FBXO15: variants seen among roughly 807,000 people sequenced by gnomAD.
The protein encoded by FBXO15 is F-box protein 15.
FBXO15 carries 30 observed loss-of-function variants against 49.5 expected under a neutral mutation model. The ratio of observed to expected loss-of-function variants is 0.61; its 90% CI spans 0.45 to 0.82. The LOEUF (loss-of-function observed/expected upper bound fraction) is 0.82, where lower values mean the gene tolerates loss of function less well. Among genes scored for constraint, FBXO15 ranks in the 40% least tolerant of loss-of-function variants. The pLI is 0.00. For synonymous variants in FBXO15, 250 were observed against 232.7 expected (o/e 1.07, Z -0.68); for missense variants, 591 against 631.5 (o/e 0.94, Z 0.69).
intron 8 of FBXO15, among the ~76,000 whole-genome samples, chr18:74,116,299 C>A (rs762873702): frequency 2.0e-4 from 31 of 152,102 alleles, no homozygotes; most frequent in Non-Finnish European, 3.2e-4. Context: ...ATTATACTTT[C>A]TCATTAAAAA....
At position 74,073,626 on chromosome 18, in the gene FBXO15, G is replaced by T. The variant is rs753571833; in HGVS notation, c.1368C>A (p.Ser456Arg). 6.2e-7 allele frequency: 1 copy of T among 1,614,204 alleles called. No homozygotes were observed. Among genetic ancestry groups the T allele is most frequent in the South Asian group, 1.1e-5 (1 of 91,078 alleles). ...TGTATGTCTGTCCCAAGAAGCTAGA[G>T]CTGTCAGAGGGTGTGGCAGGCGATC... ...CLRSPATPSD[S>R]SSFLGQTYNV... The change falls in exon 10 of 10, where the codon AGC (serine) becomes AGA (arginine). Residue 456 changes from serine (S) to arginine (R), a missense_variant. Coordinates refer to ENST00000419743, the MANE Select transcript of FBXO15 (RefSeq NM_001142958.2).
At chr18:74,123,201 A>G in intron 8 of FBXO15, 167 bp downstream of exon 8, 1 of 672,068 alleles carries the variant, frequency 1.5e-6, no homozygotes, top group Non-Finnish European at 2.5e-6. Flanking sequence ...GACTCGGTCC[A>G]GTGAGGACTT....
Position 74,081,912 on chromosome 18 carries a change from C to A in FBXO15, c.1263+15G>T, listed in dbSNP as rs540904286. 1 of 1,544,654 alleles carries A rather than the reference C, an allele frequency of 6.5e-7. No individual in the cohort carries two copies. The highest frequency in any genetic ancestry group is 8.6e-7 in the Non-Finnish European group (1 of 1,157,182). Reference sequence around the variant, plus strand: ...ATCAAGTTACTTGAAGAAAAGAAAACGGTTCTGTTTTTACCTTTATACAGC... The same window carrying A: ...ATCAAGTTACTTGAAGAAAAGAAAAAGGTTCTGTTTTTACCTTTATACAGC... On this transcript the variant is annotated intron_variant, in intron 9 of 9. Coordinates refer to ENST00000419743, the MANE Select transcript of FBXO15 (RefSeq NM_001142958.2).
intron 5 of FBXO15, among the ~76,000 whole-genome samples, chr18:74,129,068 AT>A (rs1364178040): frequency 1.3e-5 from 2 of 152,192 alleles, no homozygotes; most frequent in Admixed American, 1.3e-4. Flanking sequence ...TTAGTATACC[AT>A]TTACTAAAGA....
intron 1 of FBXO15, among the ~76,000 whole-genome samples, chr18:74,144,936 C>T (rs183372221): frequency 5.8e-4 from 89 of 152,284 alleles, no homozygotes; most frequent in Non-Finnish European, 9.1e-4. Context: ...ATAAAGTCAC[C>T]TGTTTTGTAA....
At chr18:74,084,952 C>T (rs975887176) in intron 8 of FBXO15, among the ~76,000 whole-genome samples, 1 of 151,918 alleles carries the variant, frequency 6.6e-6, no homozygotes, top group Non-Finnish European at 1.5e-5. Context: ...TATACTTTAT[C>T]TCAATAATAA....
chr18:74,073,542 C>T lies in FBXO15; in HGVS notation c.1452G>A (p.Glu484=), dbSNP rs751547596. 3 of 1,614,210 alleles carry T rather than the reference C, an allele frequency of 1.9e-6. No homozygotes were observed. The highest frequency in any genetic ancestry group is 1.7e-5 in the Admixed American group (1 of 60,028). ...GGTTGACAATAAGGTATTCTTCGGT[C>T]TCTCTGATCCACACCAGCTCCACGT... is the stretch of plus-strand genomic sequence containing the variant. ...RVHVELVWIR[E]TEEYLIVNLV... is the part of the protein sequence containing the mutation. Residue 484 remains glutamate (E), a synonymous_variant, in exon 10 of 10, where the codon GAG becomes GAA. Coordinates refer to ENST00000419743, the MANE Select transcript of FBXO15 (RefSeq NM_001142958.2).
chr18:74,121,629 C>A (rs1342917596), intron 8 of FBXO15, among the ~76,000 whole-genome samples: 1 of 152,146 alleles, frequency 6.6e-6, no homozygotes, highest in Non-Finnish European at 1.5e-5. Context: ...GACTCAAAGA[C>A]AAAGAGGATA....
intron 1 of FBXO15, among the ~76,000 whole-genome samples, chr18:74,146,723 T>C (rs1979438103): frequency 6.6e-6 from 1 of 152,008 alleles, no homozygotes; most frequent in Non-Finnish European, 1.5e-5. Flanking sequence ...TGAAAACAGG[T>C]AAGTGGAAGT....
At chr18:74,103,112 T>G (rs1285698130) in intron 8 of FBXO15, among the ~76,000 whole-genome samples, 1 of 151,874 alleles carries the variant, frequency 6.6e-6, no homozygotes, top group African/African-American at 2.4e-5. Flanking sequence ...GAAATAAAAT[T>G]TTTTTAAAAA....
intron 1 of FBXO15, among the ~76,000 whole-genome samples, chr18:74,141,963 G>T (rs1423190531): frequency 2.0e-5 from 3 of 152,090 alleles, no homozygotes; most frequent in Non-Finnish European, 4.4e-5. Context: ...GCTGGTACAG[G>T]GTAGGCCCTC....
chr18:74,080,904 T>G (rs1912464951), intron 9 of FBXO15, among the ~76,000 whole-genome samples: 1 of 152,360 alleles, frequency 6.6e-6, no homozygotes, highest in South Asian at 2.1e-4. Context: ...CACATTCACA[T>G]TCTGCCTTTC....
intron 1 of FBXO15, among the ~76,000 whole-genome samples, chr18:74,144,270 G>C (rs1364084819): frequency 2.0e-5 from 3 of 152,132 alleles, no homozygotes; most frequent in Non-Finnish European, 4.4e-5. Context: ...AGGTTTAACA[G>C]TTAACAGATC....
At chr18:74,093,452 C>T (rs1446173984) in intron 8 of FBXO15, among the ~76,000 whole-genome samples, 1 of 152,170 alleles carries the variant, frequency 6.6e-6, no homozygotes. Flanking sequence ...GCTTCCAAGG[C>T]AGCACTGCAA....
chr18:74,091,420 A>G (rs1215397566), intron 8 of FBXO15, among the ~76,000 whole-genome samples: 1 of 151,544 alleles, frequency 6.6e-6, no homozygotes, highest in Non-Finnish European at 1.5e-5. Flanking sequence ...CTGTGTCTAG[A>G]TTTGTTGCTG....
Position 74,094,543 on chromosome 18 carries a change from A to C in FBXO15, c.1139-12492T>G, listed in dbSNP as rs1269117425. On this transcript the variant is annotated intron_variant, in intron 8 of 9. Transcript: ENST00000419743. The stretch of plus-strand genomic sequence containing the variant: ...TAATCCTGAGTATTTCTTTTTAGCA[A>C]TGTGAGAACAGACTAATACAGGAAT... Among the ~76,000 whole-genome samples, 5 of 152,180 alleles carry C rather than the reference A, an allele frequency of 3.3e-5. No individual in the cohort carries two copies. The East Asian group carries it at 9.6e-4, about 29-fold the overall frequency.
intron 8 of FBXO15, chr18:74,097,126 G>A (rs1913313997): frequency 6.6e-6 from 1 of 152,272 alleles, no homozygotes; most frequent in African/African-American, 2.4e-5. Context: ...CCTTGCCTAG[G>A]AAGGATCCTT....
intron 1 of FBXO15, chr18:74,146,904 C>T (rs1367337602): frequency 6.6e-6 from 1 of 152,134 alleles, no homozygotes; most frequent in Non-Finnish European, 1.5e-5. Context: ...AGGAGTCTTA[C>T]AAGCAGAAAG....
intron 1 of FBXO15, among the ~76,000 whole-genome samples, chr18:74,145,785 A>T (rs1238863368): frequency 6.6e-6 from 1 of 151,964 alleles, no homozygotes; most frequent in African/African-American, 2.4e-5. Context: ...TTTTTAGTAG[A>T]GACGGGGTTT....
Sources: gnomAD v4.1 joint callset for allele counts (sites outside exome capture counted in the v4.1 genomes callset) on GRCh38, gnomAD v4.1.1 for gene constraint, MANE v1.5 for transcripts, NCBI Gene and HGNC (gene_info 2026-07-23, HGNC 2026-07-21) for gene names.